The following DTL variants were observed in gnomAD, a reference collection of about 807,000 sequenced individuals.
The protein encoded by DTL is denticleless E3 ubiquitin protein ligase adapter.
DTL carries 46 observed loss-of-function variants against 87.0 expected under a neutral mutation model. The ratio of observed to expected loss-of-function variants is 0.53; its 90% CI spans 0.42 to 0.68. The LOEUF is 0.68. Ranked by LOEUF, DTL falls within the 30% of genes least tolerant of loss-of-function variation. The pLI is 0.00. For synonymous variants in DTL, 308 were observed against 311.2 expected (o/e 0.99, Z 0.11); for missense variants, 737 against 869.4 (o/e 0.85, Z 1.91).
intron 13 of DTL, among the ~76,000 whole-genome samples, chr1:212,086,310 GA>G (rs1655127738): frequency 6.6e-6 from 1 of 151,886 alleles, no homozygotes; most frequent in East Asian, 1.9e-4. Context: ...AAATATAAAA[GA>G]AAAGAATCAT....
At chr1:212,093,591 T>A (rs967339388) in intron 13 of DTL, among the ~76,000 whole-genome samples, 1 of 152,196 alleles carries the variant, frequency 6.6e-6, no homozygotes, top group African/African-American at 2.4e-5. Context: ...ACTGCATCAT[T>A]CCACCGGTTG....
In DTL at chr1:212,101,307, A is replaced by G. The variant is rs377606745; in HGVS notation, c.2094+223A>G. Among the ~76,000 whole-genome samples, 13 of 152,274 alleles carry G rather than the reference A, an allele frequency of 8.5e-5. No individual in the cohort carries two copies. The East Asian group carries it at 9.6e-4, about 11-fold the overall frequency. On this transcript the variant is annotated intron_variant, in intron 14 of 14. Transcript: ENST00000366991. Reference sequence around the variant, plus strand: ...CTATTTTTGTTTGTCTGAAATTCAAATGTAACTGAATGTGCTGTATTTTAT... The same window carrying G: ...CTATTTTTGTTTGTCTGAAATTCAAGTGTAACTGAATGTGCTGTATTTTAT...
chr1:212,058,100 G>C (rs1404125904), intron 5 of DTL, among the ~76,000 whole-genome samples: 1 of 152,170 alleles, frequency 6.6e-6, no homozygotes, highest in Non-Finnish European at 1.5e-5. Flanking sequence ...TCTAAAGGGA[G>C]AGACTCCAGT....
intron 5 of DTL, among the ~76,000 whole-genome samples, chr1:212,055,760 C>A (rs1454321208): frequency 3.3e-5 from 5 of 152,230 alleles, no homozygotes; most frequent in African/African-American, 1.2e-4. Context: ...CCCACCCCTG[C>A]CTTCCATAGC....
chr1:212,040,226 GAC>G (rs1455165733), intron 1 of DTL, among the ~76,000 whole-genome samples: 1 of 152,012 alleles, frequency 6.6e-6, no homozygotes, highest in Non-Finnish European at 1.5e-5. Context: ...TAAAAACTAA[GAC>G]ACAATAGGAA....
chr1:212,064,934 G>A lies in DTL; in HGVS notation c.544G>A (p.Val182Met), dbSNP rs746606042. ...TCTTTCAGATGGGTTTTATAGGCAA[G>A]TGAATCAAATCAGTGGAGCTCACAA... Reference protein sequence around the residue: ...CNKKDGFYRQVNQISGAHNTS... With the variant: ...CNKKDGFYRQMNQISGAHNTS... Residue 182 changes from valine to methionine, a missense_variant, in exon 7 of 15, where the codon GTG becomes ATG. Physicochemically the swap from Val to Met is conservative, Grantham distance 21. Transcript: ENST00000366991. 1 of 1,613,994 alleles carries A rather than the reference G, an allele frequency of 6.2e-7. No homozygotes were observed. The highest frequency in any genetic ancestry group is 8.5e-7 in the Non-Finnish European group (1 of 1,179,898).
intron 14 of DTL, among the ~76,000 whole-genome samples, chr1:212,101,932 G>C (rs1237757464): frequency 1.3e-5 from 2 of 152,294 alleles, no homozygotes; most frequent in Non-Finnish European, 2.9e-5. Flanking sequence ...TGCATGTGAA[G>C]GGGAGATGGG....
chr1:212,087,472 C>T (rs1172067429), intron 13 of DTL, among the ~76,000 whole-genome samples: 1 of 151,828 alleles, frequency 6.6e-6, no homozygotes, highest in African/African-American at 2.4e-5. Flanking sequence ...ATGGCGTGAA[C>T]CCGGGAGGCG....
chr1:212,040,818 C>T (rs1667617436), intron 1 of DTL, among the ~76,000 whole-genome samples: 1 of 152,150 alleles, frequency 6.6e-6, no homozygotes, highest in Non-Finnish European at 1.5e-5. Flanking sequence ...CTGGACAGGT[C>T]AGGGTAGGAC....
intron 3 of DTL, among the ~76,000 whole-genome samples, chr1:212,045,647 G>A (rs569024780): frequency 2.9e-4 from 44 of 152,278 alleles, no homozygotes; most frequent in African/African-American, 1.0e-3. Context: ...GAAAACTTAC[G>A]AAGCATGGGG....
At chr1:212,036,995 C>A (rs1244591491) in intron 1 of DTL, among the ~76,000 whole-genome samples, 1 of 152,154 alleles carries the variant, frequency 6.6e-6, no homozygotes, top group East Asian at 1.9e-4. Context: ...TATTTATTTC[C>A]CTCTTAGATA....
intron 6 of DTL, among the ~76,000 whole-genome samples, chr1:212,063,296 AT>A (rs879847011): frequency 0.027 from 3,852 of 142,758 alleles, 56 homozygotes; most frequent in African/African-American, 0.044. Flanking sequence ...TATTATTATT[AT>A]TTTTTTTTTT....
chr1:212,074,087 A>G (rs956375172), intron 11 of DTL, among the ~76,000 whole-genome samples: 3 of 151,952 alleles, frequency 2.0e-5, no homozygotes, highest in Non-Finnish European at 4.4e-5. Flanking sequence ...CAAAAAGCAT[A>G]TAAGAATAAT....
chr1:212,044,560 A>C, intron 2 of DTL, 100 bp from the exon 3 acceptor site: 3 of 672,802 alleles, frequency 4.5e-6, no homozygotes, highest in Non-Finnish European at 7.7e-6. Flanking sequence ...GCCAAACTGC[A>C]CTATTGCACT....
At chr1:212,086,268 G>A (rs1012247109) in intron 13 of DTL, among the ~76,000 whole-genome samples, 1 of 151,960 alleles carries the variant, frequency 6.6e-6, no homozygotes, top group Non-Finnish European at 1.5e-5. Context: ...ATTGCCTGTC[G>A]TTATATGTAC....
chr1:212,091,971 T>TA (rs1244212362), intron 13 of DTL, among the ~76,000 whole-genome samples: 1 of 152,228 alleles, frequency 6.6e-6, no homozygotes, highest in Non-Finnish European at 1.5e-5. Flanking sequence ...TCTCCTTTTT[T>TA]AAAAAATTTC....
intron 5 of DTL, among the ~76,000 whole-genome samples, chr1:212,048,321 T>C (rs1455034075): frequency 6.6e-6 from 1 of 152,080 alleles, no homozygotes; most frequent in African/African-American, 2.4e-5. Context: ...CCCAAGTACC[T>C]GGGAGGGATT....
intron 13 of DTL, among the ~76,000 whole-genome samples, chr1:212,087,088 T>C (rs1418663715): frequency 1.3e-5 from 2 of 152,190 alleles, no homozygotes; most frequent in Non-Finnish European, 2.9e-5. Context: ...CCTACTTGGA[T>C]TATCTCATTT....
intron 13 of DTL, among the ~76,000 whole-genome samples, 178 bp from the exon 14 acceptor site, chr1:212,100,074 A>G (rs1419573558): frequency 3.3e-5 from 5 of 152,148 alleles, no homozygotes; most frequent in Non-Finnish European, 7.4e-5. Flanking sequence ...GAGGTTGGTG[A>G]CTTGGAAAAG....
Sources: allele counts gnomAD v4.1 joint callset (sites outside exome capture counted in the v4.1 genomes callset), GRCh38; gene constraint gnomAD v4.1.1; transcripts MANE v1.5; gene names NCBI Gene and HGNC (gene_info 2026-07-23, HGNC 2026-07-21).